The following DRC11 variants were observed in gnomAD, a reference collection of about 807,000 sequenced individuals.
The protein encoded by DRC11 is dynein regulatory complex subunit 11, also known as IQ and AAA domain-containing protein 1.
chr2:236,352,789 CTAAT>C, the DRC11 span, among the ~76,000 whole-genome samples: 1 of 152,182 alleles, frequency 6.6e-6, no homozygotes, highest in Non-Finnish European at 1.5e-5. The surrounding 1 kb of genome is among the most constrained non-coding windows in gnomAD (Gnocchi z 7.0). Flanking sequence ...CATTACGGTT[CTAAT>C]TAATCCCCTG....
At chr2:236,419,773 C>T in the DRC11 span, among the ~76,000 whole-genome samples, 1 of 152,154 alleles carries the variant, frequency 6.6e-6, no homozygotes, top group Non-Finnish European at 1.5e-5. This position sits in a 1 kb window ranked among gnomAD's most constrained non-coding sequence, Gnocchi z 4.8. Context: ...TGACAAAAGA[C>T]CTTTTATCCT....
chr2:236,501,770 GATTTGGGGCCCAA>G, the DRC11 span, among the ~76,000 whole-genome samples: 1 of 152,136 alleles, frequency 6.6e-6, no homozygotes, highest in Non-Finnish European at 1.5e-5. Flanking sequence ...AGCTTAATAG[GATTTGGGGCCCAA>G]ACCTGCCAGG....
chr2:236,429,103 G>A, the DRC11 span, among the ~76,000 whole-genome samples: 1 of 152,216 alleles, frequency 6.6e-6, no homozygotes, highest in African/African-American at 2.4e-5. This position sits in a 1 kb window ranked among gnomAD's most constrained non-coding sequence, Gnocchi z 5.9. Context: ...GGGCAGCAGG[G>A]TGGGGGGACA....
At chr2:236,370,536 C>T in the DRC11 span, among the ~76,000 whole-genome samples, 510 of 152,172 alleles carry the variant, frequency 3.4e-3, 3 homozygotes, top group African/African-American at 0.012. The surrounding 1 kb of genome is among the most constrained non-coding windows in gnomAD (Gnocchi z 5.5). Flanking sequence ...TGGGCACCGG[C>T]CCCCAGAATT....
chr2:236,419,870 CAT>C, the DRC11 span, among the ~76,000 whole-genome samples: 1 of 152,178 alleles, frequency 6.6e-6, no homozygotes, highest in East Asian at 1.9e-4. This position sits in a 1 kb window ranked among gnomAD's most constrained non-coding sequence, Gnocchi z 4.8. Flanking sequence ...GTTAAAAAAA[CAT>C]ATAATTCAGT....
chr2:236,460,918 C>G, the DRC11 span, among the ~76,000 whole-genome samples: 4 of 152,082 alleles, frequency 2.6e-5, no homozygotes, highest in African/African-American at 9.7e-5. The surrounding 1 kb of genome is among the most constrained non-coding windows in gnomAD (Gnocchi z 4.0). Flanking sequence ...CCATGTCAAG[C>G]TAATTTTTGT....
the DRC11 span, among the ~76,000 whole-genome samples, chr2:236,308,749 C>T: frequency 6.6e-6 from 1 of 152,214 alleles, no homozygotes; most frequent in Non-Finnish European, 1.5e-5. This position sits in a 1 kb window ranked among gnomAD's most constrained non-coding sequence, Gnocchi z 6.0. Flanking sequence ...TAATCCATCC[C>T]TCCATAGATG....
chr2:236,340,973 C>T, the DRC11 span, among the ~76,000 whole-genome samples: 1 of 152,156 alleles, frequency 6.6e-6, no homozygotes, highest in South Asian at 2.1e-4. Context: ...GAGACCTGTG[C>T]ACTCATCCAT....
At chr2:236,437,680 C>T in the DRC11 span, among the ~76,000 whole-genome samples, 972 of 151,758 alleles carry the variant, frequency 6.4e-3, 5 homozygotes, top group African/African-American at 0.021. Context: ...ATTTGCATTT[C>T]TCTGATGGCC....
At chr2:236,361,723 G>A in the DRC11 span, among the ~76,000 whole-genome samples, 1 of 152,112 alleles carries the variant, frequency 6.6e-6, no homozygotes, top group Non-Finnish European at 1.5e-5. This position sits in a 1 kb window ranked among gnomAD's most constrained non-coding sequence, Gnocchi z 5.7. Flanking sequence ...TGAAACAAAT[G>A]GAGAACAAAT....
chr2:236,344,977 C>T, the DRC11 span, among the ~76,000 whole-genome samples: 8,063 of 130,234 alleles, frequency 0.062, 5 homozygotes, highest in Non-Finnish European at 0.085. Flanking sequence ...TGTGCAGAGC[C>T]CTGGTTGTAA....
the DRC11 span, among the ~76,000 whole-genome samples, chr2:236,417,236 C>T: frequency 6.6e-6 from 1 of 152,122 alleles, no homozygotes; most frequent in Non-Finnish European, 1.5e-5. Flanking sequence ...TTTATGTTTA[C>T]CATTACCCTC....
At chr2:236,428,157 G>C in the DRC11 span, among the ~76,000 whole-genome samples, 2 of 152,100 alleles carry the variant, frequency 1.3e-5, no homozygotes, top group African/African-American at 2.4e-5. Context: ...CTGAATATAT[G>C]ATTTGTCCTG....
At chr2:236,363,744 G>A in the DRC11 span, 1 of 1,445,714 alleles carries the variant, frequency 6.9e-7, no homozygotes, top group Non-Finnish European at 9.7e-7. The surrounding 1 kb of genome is among the most constrained non-coding windows in gnomAD (Gnocchi z 5.6). Context: ...TTTGAAAGAG[G>A]GAGGAGAGTT....
At chr2:236,471,720 T>C in the DRC11 span, among the ~76,000 whole-genome samples, 1 of 152,140 alleles carries the variant, frequency 6.6e-6, no homozygotes, top group African/African-American at 2.4e-5. This position sits in a 1 kb window ranked among gnomAD's most constrained non-coding sequence, Gnocchi z 4.6. Flanking sequence ...ATAGAAACTG[T>C]GACACAAAGG....
At chr2:236,390,537 T>C in the DRC11 span, among the ~76,000 whole-genome samples, 5 of 152,236 alleles carry the variant, frequency 3.3e-5, no homozygotes, top group African/African-American at 1.2e-4. This position sits in a 1 kb window ranked among gnomAD's most constrained non-coding sequence, Gnocchi z 5.9. Flanking sequence ...CTTTTGTTCT[T>C]CTCTGAAGTT....
chr2:236,324,573 C>T, the DRC11 span: 14 of 654,528 alleles, frequency 2.1e-5, no homozygotes, highest in African/African-American at 7.3e-5. The surrounding 1 kb of genome is among the most constrained non-coding windows in gnomAD (Gnocchi z 5.7). Context: ...CTTCTTCAGG[C>T]GGGCAATGGT....
At chr2:236,487,862 A>C in the DRC11 span, 1 of 531,186 alleles carries the variant, frequency 1.9e-6, no homozygotes, top group African/African-American at 2.0e-5. Context: ...TAAGTTAATA[A>C]ATCTTTCTGG....
At chr2:236,368,056 C>A in the DRC11 span, 2 of 689,338 alleles carry the variant, frequency 2.9e-6, no homozygotes, top group South Asian at 1.6e-5. Flanking sequence ...CAAAATGAAA[C>A]TGTGCCCACT....
Sources: gnomAD v4.1 joint callset for allele counts (sites outside exome capture counted in the v4.1 genomes callset) on GRCh38, gnomAD v4.1.1 for gene constraint, Gnocchi (gnomAD v3.1) non-coding constraint, MANE v1.5 for transcripts, NCBI Gene and HGNC (gene_info 2026-07-23, HGNC 2026-07-21) for gene names.